TBC1D32: variants seen among roughly 807,000 people sequenced by gnomAD.
The protein encoded by TBC1D32 is protein broad-minded.
Under a neutral mutation model 170.3 loss-of-function variants are expected in TBC1D32, and 151 were observed. The ratio of observed to expected loss-of-function variants is 0.89; its 90% CI spans 0.78 to 1.01. TBC1D32 has a LOEUF of 1.01. TBC1D32 is among the 50% of genes least tolerant of loss of function. The pLI, the probability that TBC1D32 is intolerant of heterozygous loss-of-function variation, is 0.00. For missense variants in TBC1D32, 1,464 were observed against 1,457.1 expected (o/e 1.00, Z -0.08); for synonymous variants, 498 against 488.0 (o/e 1.02, Z -0.27).
chr6:121,263,082 T>C (rs117307390), intron 15 of TBC1D32, among the ~76,000 whole-genome samples: 3,645 of 152,202 alleles, frequency 0.024, 162 homozygotes, highest in East Asian at 0.12. Context: ...CATAACAATA[T>C]TAACCTACAA....
chr6:121,110,043 A>G (rs1779053760), intron 29 of TBC1D32, among the ~76,000 whole-genome samples: 1 of 151,912 alleles, frequency 6.6e-6, no homozygotes, highest in Non-Finnish European at 1.5e-5. Flanking sequence ...CGAAGTCAGG[A>G]GATCGAGACC....
intron 22 of TBC1D32, among the ~76,000 whole-genome samples, chr6:121,200,035 TATAAA>T (rs1338087379): frequency 2.0e-5 from 3 of 151,336 alleles, no homozygotes; most frequent in Admixed American, 1.3e-4. Flanking sequence ...GGTGGGTAAA[TATAAA>T]ATAATAACAA....
intron 22 of TBC1D32, among the ~76,000 whole-genome samples, chr6:121,183,565 T>A (rs1214635677): frequency 6.6e-6 from 1 of 152,070 alleles, no homozygotes. Flanking sequence ...GAAGGCCAAG[T>A]CCTTATTTCT....
chr6:121,250,208 T>G (rs985789081), intron 17 of TBC1D32, among the ~76,000 whole-genome samples: 3 of 151,732 alleles, frequency 2.0e-5, no homozygotes, highest in Non-Finnish European at 4.4e-5. Flanking sequence ...ACAATAGAAA[T>G]AGAGGGACTC....
chr6:121,101,459 T>A (rs1337660033), intron 30 of TBC1D32, among the ~76,000 whole-genome samples: 1 of 151,880 alleles, frequency 6.6e-6, no homozygotes, highest in African/African-American at 2.4e-5. Flanking sequence ...ATGTAATCCA[T>A]CACATAAACT....
intron 30 of TBC1D32, among the ~76,000 whole-genome samples, chr6:121,092,912 T>C (rs374241039): frequency 1.3e-5 from 2 of 152,142 alleles, no homozygotes; most frequent in African/African-American, 4.8e-5. Flanking sequence ...GAGGGTATTA[T>C]TGAATTTTTG....
chr6:121,161,299 A>AT (rs201946402), intron 22 of TBC1D32, among the ~76,000 whole-genome samples: 4,898 of 152,158 alleles, frequency 0.032, 267 homozygotes, highest in African/African-American at 0.11. Context: ...CCCATCACCC[A>AT]GGTATTAAGC....
rs1171852928 is a variant in TBC1D32 at position 121,170,355 on chromosome 6, A to G, written c.2571-9299T>C. On this transcript the variant is annotated intron_variant, in intron 22 of 31. Transcript: ENST00000398212. ...TATCAAAAATTACTGTCTTAACAAAACATCTCTAAAGAAAACTGCTGTTAC... is the reference window on the plus strand; with the variant it reads ...TATCAAAAATTACTGTCTTAACAAAGCATCTCTAAAGAAAACTGCTGTTAC... 2.7e-6 allele frequency: 4 copies of G among 1,504,952 alleles called. No individual in the cohort carries two copies. In the Admixed American group the frequency reaches 9.4e-5, roughly 35 times the overall value. 93.2% of individuals were successfully genotyped at this position (1,504,952 alleles called of 1,614,324 possible).
chr6:121,171,941 C>CTTTGGG (rs2128254880), intron 22 of TBC1D32, among the ~76,000 whole-genome samples: 1 of 152,104 alleles, frequency 6.6e-6, no homozygotes, highest in South Asian at 2.1e-4. Flanking sequence ...TATATATCCA[C>CTTTGGG]TTAGAAATAA....
At chr6:121,148,161 G>A (rs1408790864) in intron 24 of TBC1D32, among the ~76,000 whole-genome samples, 1 of 151,888 alleles carries the variant, frequency 6.6e-6, no homozygotes, top group Non-Finnish European at 1.5e-5. Flanking sequence ...ACAGGCCCCA[G>A]TGTGTGATGT....
intron 24 of TBC1D32, among the ~76,000 whole-genome samples, chr6:121,141,445 C>A (rs926174438): frequency 3.3e-5 from 5 of 152,122 alleles, no homozygotes; most frequent in Non-Finnish European, 5.9e-5. Flanking sequence ...AGTGCTCTTA[C>A]AACTCAATTA....
intron 15 of TBC1D32, among the ~76,000 whole-genome samples, chr6:121,261,901 C>T (rs1799813647): frequency 6.9e-6 from 1 of 144,126 alleles, no homozygotes; most frequent in African/African-American, 2.6e-5. Flanking sequence ...GTTACAGGAG[C>T]TGCTAACTAG....
At chr6:121,281,818 C>T in intron 13 of TBC1D32, 132 bp from the exon 14 acceptor site, 1 of 598,440 alleles carries the variant, frequency 1.7e-6, no homozygotes. Context: ...AACTCAATAT[C>T]CAAAGGAAGA....
intron 21 of TBC1D32, among the ~76,000 whole-genome samples, chr6:121,209,963 A>G (rs1432110757): frequency 2.0e-5 from 3 of 152,194 alleles, no homozygotes; most frequent in Non-Finnish European, 4.4e-5. Flanking sequence ...ATACAATACC[A>G]TGTTTACACA....
At chr6:121,160,408 T>C (rs180848293) in intron 23 of TBC1D32, among the ~76,000 whole-genome samples, 5 of 151,104 alleles carry the variant, frequency 3.3e-5, no homozygotes, top group African/African-American at 1.2e-4. Context: ...AATTGTAATC[T>C]TCAAAAGAAA....
intron 22 of TBC1D32, among the ~76,000 whole-genome samples, chr6:121,189,389 A>G (rs1286014854): frequency 6.6e-6 from 1 of 151,868 alleles, no homozygotes; most frequent in Non-Finnish European, 1.5e-5. Context: ...TTTCCAACAG[A>G]TAATATATTG....
chr6:121,230,013 TGTA>T (rs1795540578), intron 20 of TBC1D32, among the ~76,000 whole-genome samples: 1 of 152,068 alleles, frequency 6.6e-6, no homozygotes, highest in Non-Finnish European at 1.5e-5. Context: ...CCTTCCTGAA[TGTA>T]AGTTTCCTGA....
At chr6:121,264,845 C>T (rs996913703) in intron 15 of TBC1D32, among the ~76,000 whole-genome samples, 1 of 152,100 alleles carries the variant, frequency 6.6e-6, no homozygotes, top group Non-Finnish European at 1.5e-5. Flanking sequence ...CAGAAAAGAC[C>T]TTCGATAAAA....
At chr6:121,193,142 T>C (rs752119362) in intron 22 of TBC1D32, among the ~76,000 whole-genome samples, 8 of 152,312 alleles carry the variant, frequency 5.3e-5, no homozygotes, top group Non-Finnish European at 1.0e-4. Context: ...GGGAGGAACA[T>C]AGAATTGGAT....
Sources: gnomAD v4.1 joint callset for allele counts (sites outside exome capture counted in the v4.1 genomes callset) on GRCh38, gnomAD v4.1.1 for gene constraint, MANE v1.5 for transcripts, NCBI Gene and HGNC (gene_info 2026-07-23, HGNC 2026-07-21) for gene names.